The following GABRA3 variants were observed in gnomAD, a reference collection of about 807,000 sequenced individuals.
GABRA3 encodes the protein gamma-aminobutyric acid type A receptor subunit alpha3, also known as gamma-aminobutyric acid receptor subunit alpha-3.
GABRA3 carries 10 observed loss-of-function variants against 30.1 expected under a neutral mutation model. That is an observed-to-expected ratio of 0.33 (90% confidence interval 0.20 to 0.56). The LOEUF is 0.56. Among genes scored for constraint, GABRA3 ranks in the 20% least tolerant of loss-of-function variants. The pLI is 0.89. For missense variants in GABRA3, 233 were observed against 392.0 expected, an observed-to-expected ratio of 0.59 and a Z score of 3.42; for synonymous variants, 151 against 146.8, an observed-to-expected ratio of 1.03 and a Z score of -0.21.
At chrX:152,437,328 G>A (rs1216261123) in intron 1 of GABRA3, among the ~76,000 whole-genome samples, 1 of 111,775 alleles carries the variant, frequency 8.9e-6, no homozygotes, top group African/African-American at 3.2e-5. Context: ...TATCTTTAAG[G>A]AGACTATAAA....
intron 6 of GABRA3, among the ~76,000 whole-genome samples, chrX:152,213,162 G>C: frequency 8.9e-6 from 1 of 111,851 alleles, no homozygotes; most frequent in Non-Finnish European, 1.9e-5. Flanking sequence ...CAGGAAAAAA[G>C]GAAGTAACAA....
intron 7 of GABRA3, among the ~76,000 whole-genome samples, chrX:152,199,364 CAA>C (rs1343097115): frequency 1.2e-5 from 1 of 86,197 alleles, no homozygotes. Flanking sequence ...GACTCTGTCT[CAA>C]AAAAAAAAAA....
intron 7 of GABRA3, among the ~76,000 whole-genome samples, chrX:152,207,494 C>T (rs1462209358): frequency 2.7e-5 from 3 of 111,609 alleles, no homozygotes; most frequent in African/African-American, 9.8e-5. Flanking sequence ...GCAGGTTTTG[C>T]CAACCAAGCT....
intron 2 of GABRA3, among the ~76,000 whole-genome samples, chrX:152,356,585 AT>A (rs1358941330): frequency 1.8e-5 from 2 of 111,240 alleles, no homozygotes; most frequent in African/African-American, 6.5e-5. Context: ...TTTTGTCATA[AT>A]TTTTTTCTTT....
At chrX:152,359,257 G>A (rs970127196) in intron 2 of GABRA3, among the ~76,000 whole-genome samples, 9 of 111,068 alleles carry the variant, frequency 8.1e-5, no homozygotes, top group Non-Finnish European at 1.5e-4. Flanking sequence ...TCTGTTCAGG[G>A]ATTCAATTTC....
chrX:152,341,542 T>C (rs1451757000), intron 3 of GABRA3, among the ~76,000 whole-genome samples: 1 of 101,850 alleles, frequency 9.8e-6, no homozygotes, highest in Non-Finnish European at 2.0e-5. Flanking sequence ...CAACATCTAT[T>C]GACTTTTTTT....
chrX:152,291,516 A>G (rs887936323), intron 3 of GABRA3, among the ~76,000 whole-genome samples: 1 of 111,440 alleles, frequency 9.0e-6, no homozygotes, highest in African/African-American at 3.3e-5. Context: ...TTTCTCTTGC[A>G]TGATTGCCCT....
rs1475055169 is a variant in GABRA3 at position 152,315,977 on chromosome X, C to A, written c.262+29604G>T. Reference sequence around the variant, plus strand: ...GTTTTAGGCCCGCCCCCCGACCCCCCCCCCCCCCACCACATGATCCTCTCC... The same window carrying A: ...GTTTTAGGCCCGCCCCCCGACCCCCACCCCCCCCACCACATGATCCTCTCC... On this transcript the variant is annotated intron_variant, in intron 3 of 9. Coordinates refer to ENST00000370314, the MANE Select transcript of GABRA3 (RefSeq NM_000808.4). 2.4e-5 allele frequency among the ~76,000 whole-genome samples: 2 copies of A among 83,731 alleles called. 1 individual carries two copies. Among genetic ancestry groups the A allele is most frequent in the African/African-American group, 8.9e-5 (2 of 22,348 alleles). The allele number at this position is 83,731 out of a possible 115,157, so 72.7% of individuals were successfully genotyped here. A position where few individuals can be genotyped will look rare whatever the true frequency, so the allele number is the denominator to read the frequency against.
At chrX:152,258,945 A>G (rs996545994) in intron 4 of GABRA3, among the ~76,000 whole-genome samples, 13 of 111,839 alleles carry the variant, frequency 1.2e-4, no homozygotes, top group African/African-American at 4.2e-4. Context: ...CCTGATTTTA[A>G]CTACATATCA....
intron 1 of GABRA3, among the ~76,000 whole-genome samples, chrX:152,408,743 A>T (rs1929996145): frequency 9.3e-6 from 1 of 107,787 alleles, no homozygotes; most frequent in South Asian, 4.2e-4. Context: ...ACCACCAAGG[A>T]CCAGGAGAAG....
chrX:152,370,752 T>C (rs1269590998), intron 1 of GABRA3, among the ~76,000 whole-genome samples: 1 of 111,185 alleles, frequency 9.0e-6, no homozygotes, highest in Non-Finnish European at 1.9e-5. Flanking sequence ...ATCCTAAGAC[T>C]TGTCATTACA....
In GABRA3 at chrX:152,197,628, C is replaced by G; in HGVS notation, c.931+5G>C. The G allele has an allele frequency of 8.4e-7, 1 of 1,194,355 alleles. No homozygotes were observed. Among genetic ancestry groups the G allele is most frequent in the Non-Finnish European group, 1.1e-6 (1 of 885,661 alleles). On this transcript the variant is annotated splice_donor_5th_base_variant and intron_variant, in intron 8 of 9. Transcript: ENST00000370314. ...TTCCCCTACGCTCCATAAATTATCA[C>G]TCACCAAAGACTGTACGGGCAGGAA...
At chrX:152,361,571 C>CA (rs35341591) in intron 2 of GABRA3, among the ~76,000 whole-genome samples, 5,108 of 34,048 alleles carry the variant, frequency 0.15, 447 homozygotes, top group African/African-American at 0.29. Flanking sequence ...GACTCCATCT[C>CA]AAAAAAAAAA....
At chrX:152,383,261 C>G (rs774187077) in intron 1 of GABRA3, among the ~76,000 whole-genome samples, 2 of 106,556 alleles carry the variant, frequency 1.9e-5, no homozygotes, top group African/African-American at 6.8e-5. Flanking sequence ...TGGTGGCGGG[C>G]GCCTATAGTC....
chrX:152,170,934 G>A (rs761843256), intron 9 of GABRA3, among the ~76,000 whole-genome samples: 1 of 111,681 alleles, frequency 9.0e-6, no homozygotes, highest in Non-Finnish European at 1.9e-5. Flanking sequence ...AGAACTCTAA[G>A]GTTTCTAAAA....
At chrX:152,284,611 A>G (rs1939258024) in intron 4 of GABRA3, 57 bp downstream of exon 4, 11 of 817,292 alleles carry the variant, frequency 1.3e-5, no homozygotes, top group Non-Finnish European at 1.6e-5. Flanking sequence ...GAAAGCTCCA[A>G]TTTATTTTCT....
At chrX:152,386,939 C>T (rs1284476376) in intron 1 of GABRA3, among the ~76,000 whole-genome samples, 16 of 106,101 alleles carry the variant, frequency 1.5e-4, no homozygotes, top group Non-Finnish European at 2.5e-4. Context: ...AAATGTGGCA[C>T]ATATACACCA....
At chrX:152,388,286 A>G (rs1386200296) in intron 1 of GABRA3, among the ~76,000 whole-genome samples, 1 of 112,049 alleles carries the variant, frequency 8.9e-6, no homozygotes, top group African/African-American at 3.2e-5. Context: ...ATCAAAGAGA[A>G]TAACTATAGC....
At chrX:152,225,892 A>G (rs758994769) in intron 5 of GABRA3, among the ~76,000 whole-genome samples, 2 of 110,390 alleles carry the variant, frequency 1.8e-5, no homozygotes, top group East Asian at 5.8e-4. Context: ...CTGGTTATCA[A>G]TTATAGCGTC....
Sources: gnomAD v4.1 joint callset for allele counts (sites outside exome capture counted in the v4.1 genomes callset) on GRCh38, gnomAD v4.1.1 for gene constraint, MANE v1.5 for transcripts, NCBI Gene and HGNC (gene_info 2026-07-23, HGNC 2026-07-21) for gene names.